CNOT6: variants seen among roughly 807,000 people sequenced by gnomAD.
CNOT6 encodes the protein CCR4-NOT transcription complex subunit 6, also known as carbon catabolite repression 4 protein.
CNOT6 carries 12 observed loss-of-function variants against 61.2 expected under a neutral mutation model. The observed-to-expected ratio is 0.20, with a 90% confidence interval of 0.13 to 0.32. The LOEUF is 0.32. Ranked by LOEUF, CNOT6 falls within the 10% of genes least tolerant of loss-of-function variation. CNOT6 has a pLI of 1.00. For synonymous variants in CNOT6, 225 were observed against 240.6 expected (o/e 0.94, Z 0.60); for missense variants, 405 against 663.9 (o/e 0.61, Z 4.28).
chr5:180,552,611 A>C (rs146220320), intron 3 of CNOT6, among the ~76,000 whole-genome samples: 4 of 150,428 alleles, frequency 2.7e-5, no homozygotes, highest in East Asian at 3.9e-4. Context: ...GCATCACTGC[A>C]CTCCAGCCTG....
Position 180,574,173 on chromosome 5 carries a change from C to T in CNOT6, c.1647C>T (p.Asn549=), listed in dbSNP as rs780814087. Residue 549 remains asparagine, a synonymous_variant, in exon 12 of 12, where the codon AAC becomes AAT. Coordinates refer to ENST00000261951, the MANE Select transcript of CNOT6 (RefSeq NM_001370472.1). ...ELLLPFLPQV[N]GIHLPGRR Reference sequence around the variant, plus strand: ...TACTGCCTTTCCTGCCCCAAGTCAACGGCATCCACCTTCCTGGCAGGAGGT... The same window carrying T: ...TACTGCCTTTCCTGCCCCAAGTCAATGGCATCCACCTTCCTGGCAGGAGGT... The T allele has an allele frequency of 2.5e-5, 41 of 1,613,516 alleles. No individual in the cohort carries two copies. Among genetic ancestry groups the T allele is most frequent in the East Asian group, 9.0e-5 (4 of 44,504 alleles).
intron 2 of CNOT6, among the ~76,000 whole-genome samples, chr5:180,548,745 G>T (rs1318116603): frequency 3.9e-5 from 6 of 152,186 alleles, no homozygotes; most frequent in Non-Finnish European, 8.8e-5. Flanking sequence ...AGGTGGCATG[G>T]TAAATTTAGT....
At position 180,565,725 on chromosome 5, in the gene CNOT6, G is replaced by T. The variant is rs1760415481; in HGVS notation, c.560-95G>T. The T allele has an allele frequency of 3.3e-6, 4 of 1,212,976 alleles. No homozygotes were observed. In the Admixed American group the frequency reaches 9.1e-5, roughly 28 times the overall value. 75.1% of individuals were successfully genotyped at this position (1,212,976 alleles called of 1,614,324 possible). A position where few individuals can be genotyped will look rare whatever the true frequency, so the allele number is the denominator to read the frequency against. On this transcript the variant is annotated intron_variant, in intron 6 of 11. Coordinates refer to ENST00000261951, the MANE Select transcript of CNOT6 (RefSeq NM_001370472.1). ...AGTGACTATAGATTGAATGAATACG[G>T]TCAAACTTAACATTTAAGTGAAAAC...
chr5:180,509,139 T>C (rs909386127), intron 1 of CNOT6, among the ~76,000 whole-genome samples: 5 of 151,898 alleles, frequency 3.3e-5, no homozygotes, highest in African/African-American at 1.2e-4. Context: ...TTATTTTTAT[T>C]TTTTTATTTT....
chr5:180,538,883 GA>G (rs1205586901), intron 2 of CNOT6, among the ~76,000 whole-genome samples: 1 of 150,238 alleles, frequency 6.7e-6, no homozygotes, highest in Non-Finnish European at 1.5e-5. Context: ...TCTCTCAAAA[GA>G]AAAAAAATTG....
intron 1 of CNOT6, among the ~76,000 whole-genome samples, chr5:180,496,624 C>T (rs1261293000): frequency 6.6e-6 from 1 of 151,972 alleles, no homozygotes; most frequent in East Asian, 1.9e-4. Flanking sequence ...ATGGCTTGAG[C>T]CCAGGTGTTT....
At chr5:180,516,182 A>ATTT (rs11309577) in intron 1 of CNOT6, among the ~76,000 whole-genome samples, 4 of 137,950 alleles carry the variant, frequency 2.9e-5, no homozygotes, top group Non-Finnish European at 4.7e-5. Flanking sequence ...AAAATTCAGG[A>ATTT]TTTTTTTTTT....
chr5:180,521,972 C>G (rs1757896686), intron 1 of CNOT6, among the ~76,000 whole-genome samples: 1 of 152,168 alleles, frequency 6.6e-6, no homozygotes, highest in Non-Finnish European at 1.5e-5. Flanking sequence ...CATGTTTTTG[C>G]TATTGTGAAT....
At chr5:180,528,435 C>T (rs905888101) in intron 1 of CNOT6, among the ~76,000 whole-genome samples, 22 of 152,158 alleles carry the variant, frequency 1.4e-4, no homozygotes, top group African/African-American at 5.1e-4. Context: ...CTCAGCCTTC[C>T]GAGTAACTGG....
chr5:180,574,311 G>C lies in CNOT6; in HGVS notation c.*111G>C. On this transcript the variant is annotated 3_prime_UTR_variant, in exon 12 of 12. Coordinates refer to ENST00000261951, the MANE Select transcript of CNOT6 (RefSeq NM_001370472.1). ...TTTTTGCTTGCTTAAGAATGATTTG[G>C]ACTTTCAATCTGATTATTTGATAAG... is the stretch of plus-strand genomic sequence containing the variant. 1 of 864,086 alleles carries C rather than the reference G, an allele frequency of 1.2e-6. No homozygotes were observed. Among genetic ancestry groups the C allele is most frequent in the Non-Finnish European group, 1.9e-6 (1 of 532,144 alleles). 53.5% of individuals were successfully genotyped at this position (864,086 alleles called of 1,614,324 possible).
chr5:180,520,067 C>T (rs1757814898), intron 1 of CNOT6, among the ~76,000 whole-genome samples: 1 of 152,030 alleles, frequency 6.6e-6, no homozygotes, highest in Admixed American at 6.6e-5. Flanking sequence ...CTCCTGACCT[C>T]AAGTGATCTG....
rs768336982 is a variant in CNOT6, at chr5:180,565,887, C to T, written c.627C>T (p.Tyr209=). ...DKYATRQLYG[Y]CPSWALNWDY... The stretch of plus-strand genomic sequence containing the variant: ...ATGCGACCCGGCAGTTATACGGCTA[C>T]TGTCCATCATGGGCGCTAAACTGGG... The change falls in exon 7 of 12, where the codon TAC becomes TAT. Residue 209 remains tyrosine (Y), a synonymous_variant. Coordinates refer to ENST00000261951, the MANE Select transcript of CNOT6 (RefSeq NM_001370472.1). 4 of 1,613,842 alleles carry T rather than the reference C, an allele frequency of 2.5e-6. No individual in the cohort carries two copies. The East Asian group carries it at 8.9e-5, about 36-fold the overall frequency.
chr5:180,536,746 G>A (rs2127728996), intron 2 of CNOT6, among the ~76,000 whole-genome samples: 1 of 152,296 alleles, frequency 6.6e-6, no homozygotes, highest in Non-Finnish European at 1.5e-5. Context: ...AAGTAGCTGG[G>A]ACTACAGTGC....
At chr5:180,549,542 T>TG in intron 2 of CNOT6, among the ~76,000 whole-genome samples, 1 of 151,698 alleles carries the variant, frequency 6.6e-6, no homozygotes, top group Non-Finnish European at 1.5e-5. Flanking sequence ...CCCAGCTACT[T>TG]GGAGGCTGAG....
intron 1 of CNOT6, 100 bp from the exon 2 acceptor site, chr5:180,529,175 G>C (rs1758232701): frequency 1.4e-6 from 1 of 703,488 alleles, no homozygotes; most frequent in African/African-American, 1.9e-5. Flanking sequence ...TCCAGCCTGG[G>C]TGACAGAGTC....
intron 1 of CNOT6, among the ~76,000 whole-genome samples, chr5:180,528,263 A>G (rs1326254463): frequency 6.6e-6 from 1 of 152,134 alleles, no homozygotes; most frequent in Admixed American, 6.5e-5. Context: ...TCACTCACCT[A>G]GTTTCTGCCA....
rs1403113789 is a variant in CNOT6 at position 180,495,066 on chromosome 5, G to T, written c.-3+303G>T. 2.0e-5 allele frequency among the ~76,000 whole-genome samples: 3 copies of T among 152,246 alleles called. No individual in the cohort carries two copies. The East Asian group carries it at 5.8e-4, about 29-fold the overall frequency. On this transcript the variant is annotated intron_variant, in intron 1 of 11. Transcript: ENST00000261951. The stretch of plus-strand genomic sequence containing the variant: ...CGGATCCCGGCCGGTCCCGGCTGCC[G>T]TCGTCGGAGGAGGCGAGTCCGTGTC...
chr5:180,574,428 G>T lies in CNOT6; in HGVS notation c.*228G>T. 1 of 563,204 alleles carries T rather than the reference G, an allele frequency of 1.8e-6. No homozygotes were observed. Among genetic ancestry groups the T allele is most frequent in the East Asian group, 3.0e-5 (1 of 33,646 alleles). The allele number at this position is 563,204 out of a possible 1,614,324, so 34.9% of individuals were successfully genotyped here. Reference sequence around the variant, plus strand: ...GACAGGGATTGGTGTGTTTGCACCTGTCTTTCATTTGTCATAAGAGATTTT... The same window carrying T: ...GACAGGGATTGGTGTGTTTGCACCTTTCTTTCATTTGTCATAAGAGATTTT... On this transcript the variant is annotated 3_prime_UTR_variant, in exon 12 of 12. Coordinates refer to ENST00000261951, the MANE Select transcript of CNOT6 (RefSeq NM_001370472.1).
At chr5:180,522,857 C>G (rs1453156711) in intron 1 of CNOT6, among the ~76,000 whole-genome samples, 1 of 152,134 alleles carries the variant, frequency 6.6e-6, no homozygotes, top group Non-Finnish European at 1.5e-5. Flanking sequence ...TCTGTCTGTT[C>G]ATCTGTATAC....
Sources: allele counts gnomAD v4.1 joint callset (sites outside exome capture counted in the v4.1 genomes callset), GRCh38; gene constraint gnomAD v4.1.1; transcripts MANE v1.5; gene names NCBI Gene and HGNC (gene_info 2026-07-23, HGNC 2026-07-21).